Variants in LMF1 observed in about 807,000 individuals in gnomAD.
LMF1 encodes lipase maturation factor 1.
Under a neutral mutation model 60.6 loss-of-function variants are expected in LMF1, and 68 were observed. The ratio of observed to expected loss-of-function variants is 1.12; its 90% CI spans 0.92 to 1.37. LMF1 has a LOEUF of 1.37. Among genes scored for constraint, LMF1 ranks in the 40% most tolerant of loss-of-function variants. LMF1 has a pLI of 0.00. For missense variants in LMF1, 948 were observed against 767.2 expected (o/e 1.24, Z -2.78); for synonymous variants, 418 against 324.7 (o/e 1.29, Z -3.09).
chr16:979,439 G>T (rs905475234), intron 1 of LMF1: 6 of 338,788 alleles, frequency 1.8e-5, no homozygotes, highest in Non-Finnish European at 3.5e-5. Flanking sequence ...TGCACGCCCA[G>T]CACCTCCCCT....
intron 3 of LMF1, among the ~76,000 whole-genome samples, chr16:920,549 T>C (rs1166763478): frequency 2.0e-5 from 3 of 152,122 alleles, no homozygotes; most frequent in South Asian, 2.1e-4. Context: ...CAGTGACTCA[T>C]TCTAGAGATG....
chr16:864,505 T>G (rs2069557770), intron 10 of LMF1, among the ~76,000 whole-genome samples: 1 of 152,202 alleles, frequency 6.6e-6, no homozygotes, highest in Admixed American at 6.5e-5. Flanking sequence ...CCCAGTGTAG[T>G]CTAATGTAAG....
chr16:951,760 TC>T (rs1206060184), intron 2 of LMF1, among the ~76,000 whole-genome samples: 1 of 151,966 alleles, frequency 6.6e-6, no homozygotes, highest in East Asian at 1.9e-4. Context: ...ACCTCACACC[TC>T]CAGTGAAGAC....
intron 1 of LMF1, among the ~76,000 whole-genome samples, chr16:978,318 C>T (rs4984742): frequency 0.18 from 26,856 of 151,450 alleles, 2,616 homozygotes; most frequent in South Asian, 0.36. Flanking sequence ...ACATCCCATA[C>T]ACATATCACA....
At chr16:900,586 T>G (rs1473916631) in intron 4 of LMF1, 1 of 152,318 alleles carries the variant, frequency 6.6e-6, no homozygotes, top group Non-Finnish European at 1.5e-5. Flanking sequence ...CTTGGCTCAC[T>G]GCAACCTCCG....
At chr16:887,957 C>G (rs534948557) in intron 5 of LMF1, among the ~76,000 whole-genome samples, 7 of 152,258 alleles carry the variant, frequency 4.6e-5, no homozygotes, top group Non-Finnish European at 8.8e-5. Flanking sequence ...ATCCAGGGGA[C>G]CCCCGCCCTG....
chr16:867,882 T>C (rs1247614396), intron 10 of LMF1, among the ~76,000 whole-genome samples: 1 of 152,158 alleles, frequency 6.6e-6, no homozygotes, highest in Non-Finnish European at 1.5e-5. Flanking sequence ...CCACTGCCTC[T>C]GTGGACCTCG....
intron 5 of LMF1, among the ~76,000 whole-genome samples, chr16:892,507 T>C (rs2070519833): frequency 6.6e-6 from 1 of 152,242 alleles, no homozygotes; most frequent in East Asian, 1.9e-4. Flanking sequence ...CTGGGGCGTC[T>C]GAAGGGACTC....
chr16:876,688 A>AGGACCTTGGACAGAGGCG (rs1567167378), intron 6 of LMF1, among the ~76,000 whole-genome samples: 5 of 150,842 alleles, frequency 3.3e-5, no homozygotes, highest in South Asian at 2.1e-4. Context: ...GGACAGAGGC[A>AGGACCTTGGACAGAGGCG]GGCTGGGTGG....
At chr16:925,994 T>TATGC (rs1194685036) in intron 3 of LMF1, among the ~76,000 whole-genome samples, 2 of 150,436 alleles carry the variant, frequency 1.3e-5, no homozygotes, top group Non-Finnish European at 2.9e-5. Context: ...TACGTGTCTG[T>TATGC]ATGCATGCAT....
At chr16:864,995 T>C (rs1392898439) in intron 10 of LMF1, among the ~76,000 whole-genome samples, 2 of 152,176 alleles carry the variant, frequency 1.3e-5, no homozygotes, top group Non-Finnish European at 2.9e-5. Flanking sequence ...CTTCTTCCCA[T>C]CTGTTCTGTT....
chr16:929,633 G>A (rs148900907), intron 3 of LMF1, among the ~76,000 whole-genome samples: 1 of 152,382 alleles, frequency 6.6e-6, no homozygotes, highest in Non-Finnish European at 1.5e-5. Context: ...GCAGGAAGCG[G>A]CCACATTCGG....
In LMF1 at chr16:955,459, C is replaced by T. The variant is rs72769418; in HGVS notation, c.194-793G>A. Among the ~76,000 whole-genome samples, 346 of 70,362 alleles carry T rather than the reference C, an allele frequency of 4.9e-3. 8 individuals carry two copies. Among genetic ancestry groups the T allele is most frequent in the African/African-American group, 0.013 (112 of 8,674 alleles). The allele number at this position is 70,362 out of a possible 152,430, so 46.2% of individuals were successfully genotyped here. On this transcript the variant is annotated intron_variant, in intron 1 of 10. Transcript: ENST00000262301. Reference sequence around the variant, plus strand: ...ATAAAATGCGTGCCTGCAGCAGACGCGGTGTGTGCATACACACACACACAC... The same window carrying T: ...ATAAAATGCGTGCCTGCAGCAGACGTGGTGTGTGCATACACACACACACAC...
chr16:936,330 G>C (rs111395204), intron 2 of LMF1, among the ~76,000 whole-genome samples: 1 of 137,950 alleles, frequency 7.2e-6, no homozygotes, highest in East Asian at 2.3e-4. Context: ...GGCTGGGAGA[G>C]AGAGGGGGCA....
intron 10 of LMF1, among the ~76,000 whole-genome samples, chr16:859,105 C>A (rs1243081283): frequency 9.2e-6 from 1 of 108,420 alleles, no homozygotes; most frequent in Non-Finnish European, 1.8e-5. Flanking sequence ...GACGGGTGTG[C>A]AGTGATGTCT....
chr16:946,716 G>A (rs1243245803), intron 2 of LMF1, among the ~76,000 whole-genome samples: 2 of 152,138 alleles, frequency 1.3e-5, no homozygotes, highest in South Asian at 2.1e-4. Context: ...AAACAACATG[G>A]GCTCAGTCAC....
intron 5 of LMF1, among the ~76,000 whole-genome samples, chr16:891,413 T>C (rs559038472): frequency 3.6e-4 from 55 of 152,252 alleles, no homozygotes; most frequent in Non-Finnish European, 7.6e-4. Flanking sequence ...TGTGGGGACA[T>C]GGTGGGCGCC....
intron 2 of LMF1, among the ~76,000 whole-genome samples, chr16:951,960 AT>A (rs1432418560): frequency 6.6e-6 from 1 of 152,196 alleles, no homozygotes; most frequent in Non-Finnish European, 1.5e-5. Context: ...AGCCACAAGC[AT>A]TGCACGTGGC....
intron 3 of LMF1, among the ~76,000 whole-genome samples, chr16:922,696 C>T (rs549564441): frequency 6.7e-5 from 9 of 135,330 alleles, no homozygotes; most frequent in Non-Finnish European, 1.3e-4. Flanking sequence ...CGTGTTGTTG[C>T]GAAGGCCCTG....
Sources: allele counts gnomAD v4.1 joint callset (sites outside exome capture counted in the v4.1 genomes callset), GRCh38; gene constraint gnomAD v4.1.1; transcripts MANE v1.5; gene names NCBI Gene and HGNC (gene_info 2026-07-23, HGNC 2026-07-21).